Variants in PPIP5K1 observed in about 807,000 individuals in gnomAD.
PPIP5K1 encodes the protein inositol hexakisphosphate and diphosphoinositol-pentakisphosphate kinase 1.
PPIP5K1 carries 6 observed loss-of-function variants against 27.7 expected under a neutral mutation model. The ratio of observed to expected loss-of-function variants is 0.22; its 90% confidence interval spans 0.12 to 0.43. PPIP5K1 has a LOEUF of 0.43. Ranked by LOEUF, PPIP5K1 falls within the 20% of genes least tolerant of loss-of-function variation. The pLI is 1.00. For missense variants in PPIP5K1, 394 were observed against 635.4 expected, an observed-to-expected ratio of 0.62 and a Z score of 4.08; for synonymous variants, 145 against 242.6, an observed-to-expected ratio of 0.60 and a Z score of 3.74.
chr15:43,560,454 T>C lies in PPIP5K1; in HGVS notation c.3377A>G (p.Asn1126Ser). The C allele has an allele frequency of 2.3e-6, 3 of 1,301,590 alleles. No homozygotes were observed. Among genetic ancestry groups the C allele is most frequent in the Non-Finnish European group, 3.0e-6 (3 of 988,564 alleles). 80.6% of individuals were successfully genotyped at this position (1,301,590 alleles called of 1,614,324 possible). A position where few individuals can be genotyped will look rare whatever the true frequency, so the allele number is the denominator to read the frequency against. ...GTCATCCTGGCCTGAGCGCAGCCAG[T>C]TCCGGAAGAGGCGCAGGTGGTAGGA... ...QCSYHLRLFR[N>S]WLRSGQDDPE... The change falls in exon 29 of 32, where the codon AAC becomes AGC. Residue 1126 changes from asparagine to serine, a missense_variant. Around this residue, in one of 4 missense-constraint regions of PPIP5K1, gnomAD observed 5 missense variants for 20.3 expected, o/e 0.25. Transcript: ENST00000420765.
Position 43,559,925 on chromosome 15 carries a change from A to C in PPIP5K1, c.3418+488T>G, listed in dbSNP as rs2083564210. On this transcript the variant is annotated intron_variant, in intron 29 of 31. Coordinates refer to ENST00000420765, the MANE Select transcript of PPIP5K1 (RefSeq NM_001394395.1). The stretch of plus-strand genomic sequence containing the variant: ...ACAGCTTCCTGTTCACCAGTGACTA[A>C]AGCCCGTAACTCAAAAGGATTATAG... Among the ~76,000 whole-genome samples the C allele has an allele frequency of 2.0e-5, 3 of 151,732 alleles. No individual in the cohort carries two copies. In the South Asian group the frequency reaches 6.2e-4, roughly 32 times the overall value.
rs1484739745 is a variant in PPIP5K1 at position 43,579,445 on chromosome 15, T to C, written c.1062-325A>G. 3.7e-5 allele frequency among the ~76,000 whole-genome samples: 4 copies of C among 107,450 alleles called. 1 individual carries two copies. Among genetic ancestry groups the C allele is most frequent in the Admixed American group, 3.4e-4 (4 of 11,876 alleles). The allele number at this position is 107,450 out of a possible 152,430, so 70.5% of individuals were successfully genotyped here. On this transcript the variant is annotated intron_variant, in intron 10 of 31. Transcript: ENST00000420765. ...ACACGTATGTGTACATACACACACG[T>C]ATGTGTACAGTTTGTGTATATACAC...
At chr15:43,542,667 TGTGTG>T (rs1567020626) in intron 30 of PPIP5K1, among the ~76,000 whole-genome samples, 8 of 150,004 alleles carry the variant, frequency 5.3e-5, no homozygotes, top group South Asian at 2.2e-4. Context: ...TGTGTGTGTG[TGTGTG>T]TGTGTGTGTG....
Position 43,541,428 on chromosome 15 carries a change from A to T in PPIP5K1, c.3557-1845T>A, listed in dbSNP as rs574289953. On this transcript the variant is annotated intron_variant, in intron 30 of 31. Coordinates refer to ENST00000420765, the MANE Select transcript of PPIP5K1 (RefSeq NM_001394395.1). ...ATCCCCAGCCCATAGTAACTTTTTG[A>T]AAAGAAGGTCAGGCACGGTGGCTCA... 1.1e-4 allele frequency among the ~76,000 whole-genome samples: 17 copies of T among 152,162 alleles called. No individual in the cohort carries two copies. The South Asian group carries it at 2.3e-3, about 20-fold the overall frequency.
chr15:43,538,759 G>A (rs1237271914), intron 31 of PPIP5K1, among the ~76,000 whole-genome samples: 2 of 151,488 alleles, frequency 1.3e-5, no homozygotes, highest in African/African-American at 2.4e-5. Flanking sequence ...TGATCTGCCC[G>A]CCTCGGCCTC....
intron 30 of PPIP5K1, among the ~76,000 whole-genome samples, chr15:43,554,529 C>T (rs1193817099): frequency 6.6e-6 from 1 of 151,398 alleles, no homozygotes; most frequent in Non-Finnish European, 1.5e-5. Flanking sequence ...TTACTATTTG[C>T]ACAGAATATG....
chr15:43,535,021 T>C lies in PPIP5K1; in HGVS notation c.4126A>G (p.Lys1376Glu). 1 of 1,613,432 alleles carries C rather than the reference T, an allele frequency of 6.2e-7. No homozygotes were observed. The highest frequency in any genetic ancestry group is 8.5e-7 in the Non-Finnish European group (1 of 1,179,866). The change falls in exon 32 of 32, where the codon AAA (lysine) becomes GAA (glutamate). Residue 1376 changes from lysine to glutamate, a missense_variant. Lys to Glu is a moderately conservative substitution (Grantham distance 56). Coordinates refer to ENST00000420765, the MANE Select transcript of PPIP5K1 (RefSeq NM_001394395.1). ...AGCTGGCAAACTTCCTCAGAGACTTTCTGGCACAGTTGGCTGGACTTCTGG... is the reference window on the plus strand; with the variant it reads ...AGCTGGCAAACTTCCTCAGAGACTTCCTGGCACAGTTGGCTGGACTTCTGG... ...PCQKSSQLCQ[K>E]VSEEVCQLCL...
chr15:43,544,806 C>T (rs1442177818), intron 30 of PPIP5K1, among the ~76,000 whole-genome samples: 3 of 152,102 alleles, frequency 2.0e-5, no homozygotes, highest in African/African-American at 7.2e-5. Context: ...GAGCAAGACC[C>T]TGTCTCTAAA....
chr15:43,535,145 C>G lies in PPIP5K1; in HGVS notation c.4002G>C (p.Gln1334His). 6.2e-7 allele frequency: 1 copy of G among 1,613,710 alleles called. No individual in the cohort carries two copies. The change falls in exon 32 of 32, where the codon CAG becomes CAC. Residue 1334 changes from glutamine (Q) to histidine (H), a missense_variant. Coordinates refer to ENST00000420765, the MANE Select transcript of PPIP5K1 (RefSeq NM_001394395.1). ...PCQDISEALS[Q>H]PCQKVPDISQ... is the part of the protein sequence containing the mutation. ...TGATGTCAGGGACCTTCTGACATGG[C>G]TGGCTGAGCGCCTCAGAAATGTCCT... is the stretch of plus-strand genomic sequence containing the variant.
chr15:43,579,586 C>A, intron 10 of PPIP5K1, among the ~76,000 whole-genome samples: 2 of 49,844 alleles, frequency 4.0e-5, no homozygotes, highest in Non-Finnish European at 5.9e-5. Context: ...CACATATATA[C>A]ATATATGTGT....
In PPIP5K1 at chr15:43,558,891, C is replaced by G; in HGVS notation, c.3460G>C (p.Glu1154Gln). Residue 1154 changes from glutamate (E) to glutamine (Q), a missense_variant, in exon 30 of 32, where the codon GAA becomes CAA. Physicochemically the swap from Glu to Gln is conservative, Grantham distance 29 (BLOSUM62 2). This residue lies in a region of PPIP5K1 where 379 missense variants were observed against 423.9 expected (regional missense o/e 0.89). Coordinates refer to ENST00000420765, the MANE Select transcript of PPIP5K1 (RefSeq NM_001394395.1). ...CSMVPTIYPL[E>Q]TLHNALSLRQ... is the part of the protein sequence containing the mutation. ...AGGGAAAGGGCATTATGCAGTGTTTCCAGAGGGTAGATGGTAGGCACCATG... is the reference window on the plus strand; with the variant it reads ...AGGGAAAGGGCATTATGCAGTGTTTGCAGAGGGTAGATGGTAGGCACCATG... The G allele has an allele frequency of 6.2e-7, 1 of 1,613,824 alleles. No individual in the cohort carries two copies. Among genetic ancestry groups the G allele is most frequent in the Non-Finnish European group, 8.5e-7 (1 of 1,179,966 alleles).
intron 30 of PPIP5K1, among the ~76,000 whole-genome samples, chr15:43,540,871 A>G (rs925480388): frequency 1.3e-5 from 2 of 151,728 alleles, no homozygotes; most frequent in African/African-American, 4.8e-5. Flanking sequence ...CAAAAAAAAA[A>G]AAAAAAAAAA....
chr15:43,534,700 G>A lies in PPIP5K1; in HGVS notation c.4447C>T (p.Gln1483Ter). ...TAATTTATCTCCTCAGGGACCTCCTGGGCCTGCAGATCAATCTCCTCAGGG... is the reference window on the plus strand; with the variant it reads ...TAATTTATCTCCTCAGGGACCTCCTAGGCCTGCAGATCAATCTCCTCAGGG... ...EFPEEIDLQA[Q>*]EVPEEIN Residue 1483 changes from glutamine to a stop codon, truncating the protein, a stop_gained, in exon 32 of 32, where the codon CAG (glutamine) becomes TAG (stop). Coordinates refer to ENST00000420765, the MANE Select transcript of PPIP5K1 (RefSeq NM_001394395.1). LOFTEE classifies it high-confidence loss of function. 1.3e-6 allele frequency: 2 copies of A among 1,527,384 alleles called. No individual in the cohort carries two copies. Among genetic ancestry groups the A allele is most frequent in the East Asian group, 2.3e-5 (1 of 44,284 alleles). 94.6% of individuals were successfully genotyped at this position (1,527,384 alleles called of 1,614,324 possible). A position where few individuals can be genotyped will look rare whatever the true frequency, so the allele number is the denominator to read the frequency against.
intron 30 of PPIP5K1, among the ~76,000 whole-genome samples, chr15:43,555,034 C>A (rs2254921): frequency 1 from 152,185 of 152,188 alleles, 76,091 homozygotes; most frequent in Middle Eastern, 1. Context: ...ACAAGGTTTC[C>A]CCATGTTGGC....
At chr15:43,542,660 G>GTGTGTT (rs1260737634) in intron 30 of PPIP5K1, among the ~76,000 whole-genome samples, 11 of 146,120 alleles carry the variant, frequency 7.5e-5, no homozygotes, top group South Asian at 2.3e-4. Context: ...GTGTGTGTGT[G>GTGTGTT]TGTGTGTGTG....
intron 30 of PPIP5K1, among the ~76,000 whole-genome samples, chr15:43,542,700 T>TC (rs2080925474): frequency 2.5e-5 from 3 of 122,040 alleles, no homozygotes; most frequent in Non-Finnish European, 5.9e-5. Context: ...GTGTGTGTTT[T>TC]AGAGACAGGC....
At chr15:43,543,973 T>C (rs904275845) in intron 30 of PPIP5K1, among the ~76,000 whole-genome samples, 2 of 152,062 alleles carry the variant, frequency 1.3e-5, no homozygotes, top group South Asian at 4.1e-4. Flanking sequence ...ATTTTACCCA[T>C]GTGGTTATGT....
intron 11 of PPIP5K1, among the ~76,000 whole-genome samples, chr15:43,578,534 G>GC (rs2084549465): frequency 6.0e-5 from 1 of 16,630 alleles, no homozygotes; most frequent in African/African-American, 5.6e-4. Flanking sequence ...AGATCCTGTC[G>GC]CAAAAAAAAA....
At chr15:43,539,449 A>T in intron 31 of PPIP5K1, 21 bp downstream of exon 31, 1 of 1,493,220 alleles carries the variant, frequency 6.7e-7, no homozygotes, top group South Asian at 1.2e-5. Flanking sequence ...TTGTCTAGGC[A>T]GTTCCAAAAG....
Sources: allele counts gnomAD v4.1 joint callset (sites outside exome capture counted in the v4.1 genomes callset), GRCh38; gene constraint gnomAD v4.1.1; regional missense constraint gnomAD v4.1.1; transcripts MANE v1.5; gene names NCBI Gene and HGNC (gene_info 2026-07-23, HGNC 2026-07-21).